Variants in PCDHA1 observed in about 807,000 individuals in gnomAD.
The protein encoded by PCDHA1 is protocadherin alpha-1.
PCDHA1 carries 42 observed loss-of-function variants against 61.3 expected under a neutral mutation model. The observed-to-expected ratio is 0.69, with a 90% CI of 0.54 to 0.89. The LOEUF is 0.89. Ranked by LOEUF, PCDHA1 falls within the 40% of genes least tolerant of loss-of-function variation. PCDHA1 has a pLI of 0.00. For missense variants in PCDHA1, 1,256 were observed against 1,235.3 expected (o/e 1.02, Z -0.25); for synonymous variants, 610 against 553.8 (o/e 1.10, Z -1.43).
At chr5:140,857,683 C>T (rs1554150520) in intron 1 of PCDHA1, 1 of 1,597,084 alleles carries the variant, frequency 6.3e-7, no homozygotes, top group Middle Eastern at 1.8e-4. Context: ...CGCCTCTGGG[C>T]AGCAACTTGA....
At chr5:140,887,253 C>T (rs1045921651) in intron 1 of PCDHA1, among the ~76,000 whole-genome samples, 3 of 151,962 alleles carry the variant, frequency 2.0e-5, no homozygotes, top group Admixed American at 6.6e-5. Flanking sequence ...CCCGCCACCA[C>T]GCCCTGCTAA....
At chr5:140,835,382 T>C (rs2150234724) in intron 1 of PCDHA1, 2 of 1,613,964 alleles carry the variant, frequency 1.2e-6, no homozygotes, top group East Asian at 4.5e-5. Context: ...TGGCTGGTCA[T>C]TGTACAGTTC....
intron 1 of PCDHA1, among the ~76,000 whole-genome samples, chr5:140,935,971 C>A (rs1563151362): frequency 6.7e-6 from 1 of 149,774 alleles, no homozygotes; most frequent in African/African-American, 2.5e-5. Context: ...TGGCTCACTG[C>A]AATCTCTGCC....
chr5:140,813,976 C>G (rs1765414917), intron 1 of PCDHA1: 1 of 152,588 alleles, frequency 6.6e-6, no homozygotes, highest in Non-Finnish European at 1.5e-5. Flanking sequence ...CCAGCCTGAG[C>G]AACAGAGTGA....
intron 1 of PCDHA1, among the ~76,000 whole-genome samples, chr5:140,951,775 A>G (rs1554220072): frequency 1.3e-5 from 2 of 152,164 alleles, no homozygotes; most frequent in African/African-American, 4.8e-5. Context: ...ACGTTCTTAC[A>G]TTGCAAAATA....
At chr5:140,927,674 A>C (rs201769803) in intron 1 of PCDHA1, 1 of 1,614,182 alleles carries the variant, frequency 6.2e-7, no homozygotes, top group Admixed American at 1.7e-5. Flanking sequence ...TTGGATCCAG[A>C]TGAAGGGTCC....
chr5:140,877,793 C>T, intron 1 of PCDHA1: 1 of 1,613,948 alleles, frequency 6.2e-7, no homozygotes, highest in Non-Finnish European at 8.5e-7. Flanking sequence ...GCCTTCAGCC[C>T]AAGCCTTCAG....
intron 1 of PCDHA1, chr5:140,803,114 G>T (rs1581658412): frequency 1.9e-6 from 3 of 1,613,732 alleles, no homozygotes; most frequent in African/African-American, 2.7e-5. Flanking sequence ...CCCTGGACGA[G>T]GTGGACGCCC....
chr5:140,822,811 A>G, intron 1 of PCDHA1: 2 of 1,614,132 alleles, frequency 1.2e-6, no homozygotes, highest in East Asian at 4.5e-5. Flanking sequence ...GAATGATAAT[A>G]CCCCAGAGAT....
chr5:140,907,009 C>A (rs2193983), intron 1 of PCDHA1, among the ~76,000 whole-genome samples: 26,809 of 152,052 alleles, frequency 0.18, 2,652 homozygotes, highest in African/African-American at 0.27. Flanking sequence ...GGAACTAAGA[C>A]CTCTAGGCCA....
At chr5:140,970,464 G>T (rs2096408291) in intron 1 of PCDHA1, among the ~76,000 whole-genome samples, 1 of 152,154 alleles carries the variant, frequency 6.6e-6, no homozygotes, top group African/African-American at 2.4e-5. Flanking sequence ...ATTTAAGTAG[G>T]TATAAGGCCA....
At chr5:140,883,332 T>C (rs2059555585) in intron 1 of PCDHA1, 3 of 1,614,174 alleles carry the variant, frequency 1.9e-6, no homozygotes, top group Non-Finnish European at 2.5e-6. Flanking sequence ...ATCACTTCTT[T>C]GTCACTCCCC....
chr5:140,836,528 G>A, intron 1 of PCDHA1: 2 of 1,613,816 alleles, frequency 1.2e-6, no homozygotes, highest in Non-Finnish European at 8.5e-7. Context: ...TGCTTACCCT[G>A]CTGCTGTACA....
intron 1 of PCDHA1, chr5:140,862,180 CA>C (rs1408132694): frequency 6.0e-6 from 1 of 165,728 alleles, no homozygotes; most frequent in African/African-American, 2.4e-5. Context: ...GCAGTTGACA[CA>C]GGCAATTCCC....
intron 1 of PCDHA1, among the ~76,000 whole-genome samples, chr5:140,854,895 C>T (rs565255235): frequency 1.1e-4 from 16 of 149,404 alleles, no homozygotes; most frequent in African/African-American, 3.7e-4. Flanking sequence ...ATTTGAAAAG[C>T]GTAAATATAA....
At position 140,835,410 on chromosome 5, in the gene PCDHA1, G is replaced by A. The variant is rs17844309; in HGVS notation, c.2394+46726G>A. On this transcript the variant is annotated intron_variant, in intron 1 of 3. Coordinates refer to ENST00000504120, the MANE Select transcript of PCDHA1 (RefSeq NM_018900.4). The stretch of plus-strand genomic sequence containing the variant: ...TACAGTTCTTGTGGAAGTTGTGGAT[G>A]TAAATGACAATGCTCCACAGTTGAC... 13,977 of 1,613,956 alleles carry A rather than the reference G, an allele frequency of 8.7e-3. 157 individuals are homozygous for A. Among genetic ancestry groups the A allele is most frequent in the East Asian group, 0.056 (2,497 of 44,848 alleles).
At chr5:140,957,893 C>T (rs1554223179) in intron 1 of PCDHA1, among the ~76,000 whole-genome samples, 1 of 151,938 alleles carries the variant, frequency 6.6e-6, no homozygotes, top group Non-Finnish European at 1.5e-5. Flanking sequence ...AAGTTGGCAT[C>T]AACCAAGGCA....
chr5:140,967,057 AGC>A, intron 1 of PCDHA1: 1 of 1,612,704 alleles, frequency 6.2e-7, no homozygotes, highest in Non-Finnish European at 8.5e-7. Context: ...TGACGAGTGG[AGC>A]GCTCTTCGTC....
At chr5:140,990,962 T>C (rs2097423975) in intron 3 of PCDHA1, among the ~76,000 whole-genome samples, 2 of 152,180 alleles carry the variant, frequency 1.3e-5, no homozygotes, top group Non-Finnish European at 2.9e-5. Context: ...AATAGTCTCT[T>C]AGAACAAGAG....
Sources: gnomAD v4.1 joint callset for allele counts (sites outside exome capture counted in the v4.1 genomes callset) on GRCh38, gnomAD v4.1.1 for gene constraint, MANE v1.5 for transcripts, NCBI Gene and HGNC (gene_info 2026-07-23, HGNC 2026-07-21) for gene names.